Variants in SRPK2 observed in about 807,000 individuals in gnomAD.
The protein encoded by SRPK2 is SFRS protein kinase 2.
SRPK2 carries 21 observed loss-of-function variants against 90.8 expected under a neutral mutation model. The observed-to-expected ratio is 0.23, with a 90% CI of 0.16 to 0.33. The LOEUF (loss-of-function observed/expected upper bound fraction) is 0.33, where lower values mean the gene tolerates loss of function less well. SRPK2 is among the 10% of genes least tolerant of loss of function. SRPK2 has a pLI of 1.00. For synonymous variants in SRPK2, 288 were observed against 311.1 expected (o/e 0.93, Z 0.78); for missense variants, 620 against 869.0 (o/e 0.71, Z 3.60).
chr7:105,278,141 A>C (rs6954293), intron 2 of SRPK2, among the ~76,000 whole-genome samples: 66,417 of 149,998 alleles, frequency 0.44, 15,821 homozygotes, highest in South Asian at 0.54. Flanking sequence ...CAAGGTGAAA[A>C]CCCGTCTCTA....
At chr7:105,242,805 C>T (rs1800993706) in intron 2 of SRPK2, among the ~76,000 whole-genome samples, 1 of 152,172 alleles carries the variant, frequency 6.6e-6, no homozygotes, top group African/African-American at 2.4e-5. Flanking sequence ...AGTCTCGAGG[C>T]AAGCCGGATC....
intron 2 of SRPK2, among the ~76,000 whole-genome samples, chr7:105,304,588 A>G (rs548168452): frequency 6.6e-6 from 1 of 152,374 alleles, no homozygotes; most frequent in African/African-American, 2.4e-5. Flanking sequence ...ATGTATGCAT[A>G]CTAAAGTAAA....
At chr7:105,181,424 G>A (rs1792790716) in intron 3 of SRPK2, among the ~76,000 whole-genome samples, 1 of 152,188 alleles carries the variant, frequency 6.6e-6, no homozygotes, top group Non-Finnish European at 1.5e-5. Context: ...GCACGTGTAT[G>A]TTCACTGCGA....
chr7:105,305,206 G>C (rs542150018), intron 2 of SRPK2, among the ~76,000 whole-genome samples: 1 of 152,282 alleles, frequency 6.6e-6, no homozygotes, highest in East Asian at 1.9e-4. Context: ...TTGGGAGACT[G>C]AGGCAGGCAG....
chr7:105,144,442 T>C (rs1483777217), intron 9 of SRPK2, among the ~76,000 whole-genome samples: 2 of 151,898 alleles, frequency 1.3e-5, no homozygotes, highest in Non-Finnish European at 2.9e-5. Flanking sequence ...GATTTCACCA[T>C]GTTGGCCAGG....
chr7:105,139,132 A>G (rs1803320115), intron 11 of SRPK2, among the ~76,000 whole-genome samples: 1 of 152,188 alleles, frequency 6.6e-6, no homozygotes, highest in Non-Finnish European at 1.5e-5. Context: ...TGTGGAGACC[A>G]CTGCTGTAGA....
intron 2 of SRPK2, among the ~76,000 whole-genome samples, chr7:105,383,989 A>C (rs1821253076): frequency 1.3e-5 from 2 of 152,190 alleles, no homozygotes; most frequent in African/African-American, 4.8e-5. Flanking sequence ...CTGGGAAATA[A>C]ATATGGAGTT....
chr7:105,384,459 T>C (rs1455881882), intron 2 of SRPK2, among the ~76,000 whole-genome samples: 1 of 152,146 alleles, frequency 6.6e-6, no homozygotes, highest in African/African-American at 2.4e-5. Context: ...AGATTTGAAA[T>C]GAACTAAAAT....
intron 2 of SRPK2, among the ~76,000 whole-genome samples, chr7:105,262,229 T>G (rs1243371923): frequency 6.6e-6 from 1 of 152,218 alleles, no homozygotes; most frequent in Non-Finnish European, 1.5e-5. Flanking sequence ...ACAGAAAACC[T>G]GATCAGAACA....
intron 13 of SRPK2, 110 bp from the exon 14 acceptor site, chr7:105,127,172 A>G: frequency 3.1e-6 from 3 of 962,836 alleles, no homozygotes; most frequent in Non-Finnish European, 1.6e-6. Context: ...GAATCAAACA[A>G]AATAGCCTCC....
intron 2 of SRPK2, among the ~76,000 whole-genome samples, chr7:105,227,446 G>A (rs1225990667): frequency 6.6e-6 from 1 of 152,058 alleles, no homozygotes; most frequent in Non-Finnish European, 1.5e-5. Context: ...CTCCAAAAAA[G>A]ACATACAAGT....
chr7:105,308,313 T>C (rs762556199), intron 2 of SRPK2, among the ~76,000 whole-genome samples: 4 of 152,212 alleles, frequency 2.6e-5, no homozygotes, highest in Non-Finnish European at 4.4e-5. Flanking sequence ...CTCCCAAGCA[T>C]TGAAAAGATT....
At chr7:105,217,308 G>GA (rs952023051) in intron 2 of SRPK2, among the ~76,000 whole-genome samples, 11 of 151,120 alleles carry the variant, frequency 7.3e-5, no homozygotes, top group South Asian at 6.3e-4. Context: ...TATTTGGTGA[G>GA]AAAAAAAAAG....
intron 2 of SRPK2, among the ~76,000 whole-genome samples, chr7:105,274,079 GAACTTC>G (rs1241562805): frequency 6.6e-6 from 1 of 152,084 alleles, no homozygotes; most frequent in Non-Finnish European, 1.5e-5. Flanking sequence ...AAATTTCCAA[GAACTTC>G]AACAACCCAA....
At chr7:105,323,978 TGTGTGTGTGTGTGTG>T (rs1813241378) in intron 2 of SRPK2, among the ~76,000 whole-genome samples, 2 of 65,342 alleles carry the variant, frequency 3.1e-5, no homozygotes, top group Admixed American at 3.5e-4. Context: ...TGTGTGTGTG[TGTGTGTGTGTGTGTG>T]TGTGTGTGTG....
chr7:105,163,987 C>T (rs912814471), intron 6 of SRPK2, among the ~76,000 whole-genome samples: 19 of 152,178 alleles, frequency 1.2e-4, no homozygotes, highest in Admixed American at 1.2e-3. Flanking sequence ...AAGACAAGAG[C>T]AGAGCTTTCA....
chr7:105,328,956 G>A (rs1416738498), intron 2 of SRPK2, among the ~76,000 whole-genome samples: 2 of 151,994 alleles, frequency 1.3e-5, no homozygotes, highest in Non-Finnish European at 2.9e-5. Context: ...TGACGTGGGA[G>A]GATCACCTGA....
chr7:105,260,850 A>G (rs571772413), intron 2 of SRPK2, among the ~76,000 whole-genome samples: 165 of 124,934 alleles, frequency 1.3e-3, no homozygotes, highest in Non-Finnish European at 2.1e-3. Flanking sequence ...ACATGGACAC[A>G]GGGCGGGGAA....
chr7:105,307,808 T>C (rs1055647252), intron 2 of SRPK2, among the ~76,000 whole-genome samples: 4 of 152,222 alleles, frequency 2.6e-5, no homozygotes, highest in Non-Finnish European at 5.9e-5. Flanking sequence ...ACGCTTTATC[T>C]TTTATAATCA....
Sources: allele counts gnomAD v4.1 joint callset (sites outside exome capture counted in the v4.1 genomes callset), GRCh38; gene constraint gnomAD v4.1.1; transcripts MANE v1.5; gene names NCBI Gene and HGNC (gene_info 2026-07-23, HGNC 2026-07-21).